BNC2: variants seen among roughly 807,000 people sequenced by gnomAD.
The protein encoded by BNC2 is basonuclin zinc finger protein 2.
In BNC2, 20 loss-of-function variants were observed where a neutral mutation model predicts 76.3. The observed-to-expected ratio is 0.26, with a 90% confidence interval of 0.18 to 0.38. The LOEUF is 0.38. Ranked by LOEUF, BNC2 falls within the 10% of genes least tolerant of loss-of-function variation. The probability of loss-of-function intolerance (pLI) is 1.00; values close to 1 mark genes in which losing one functional copy is unlikely to be tolerated. For synonymous variants in BNC2, 582 were observed against 514.8 expected (o/e 1.13, Z -1.77); for missense variants, 1,382 against 1,399.8 (o/e 0.99, Z 0.20).
chr9:16,702,127 A>T (rs976104264), intron 3 of BNC2, among the ~76,000 whole-genome samples: 4 of 151,916 alleles, frequency 2.6e-5, no homozygotes, highest in African/African-American at 9.7e-5. Context: ...AAATGAAGAT[A>T]AAGTATTGCC....
chr9:16,418,697 C>CGTGTGTGTGTGTGTGT lies in BNC2; in HGVS notation c.*291_*292insACACACACACACACAC, dbSNP rs1820640961. The CGTGTGTGTGTGTGTGT allele has an allele frequency of 3.1e-6, 1 of 323,028 alleles. No individual in the cohort carries two copies. Among genetic ancestry groups the CGTGTGTGTGTGTGTGT allele is most frequent in the Non-Finnish European group, 5.7e-6 (1 of 175,212 alleles). 20.0% of individuals were successfully genotyped at this position (323,028 alleles called of 1,614,324 possible). A position where few individuals can be genotyped will look rare whatever the true frequency, so the allele number is the denominator to read the frequency against. ...GTGTGTGTGTGTGTGTGTGTATGTG[C>CGTGTGTGTGTGTGTGT]ATGTGTGTGTGTGTGTGTTTAAAGG... On this transcript the variant is annotated 3_prime_UTR_variant, in exon 7 of 7. Coordinates refer to ENST00000380672, the MANE Select transcript of BNC2 (RefSeq NM_017637.6).
intron 6 of BNC2, chr9:16,421,216 G>A: frequency 8.0e-7 from 1 of 1,252,506 alleles, no homozygotes; most frequent in Non-Finnish European, 1.0e-6. Context: ...TTAAGGGGCA[G>A]AGGGCAGCAG....
chr9:16,536,878 T>C (rs1026729134), intron 5 of BNC2, among the ~76,000 whole-genome samples: 1 of 152,154 alleles, frequency 6.6e-6, no homozygotes, highest in Non-Finnish European at 1.5e-5. Flanking sequence ...ACCTGTTTGT[T>C]TTACTCATGA....
At chr9:16,475,678 C>T (rs1821913467) in intron 5 of BNC2, among the ~76,000 whole-genome samples, 1 of 152,212 alleles carries the variant, frequency 6.6e-6, no homozygotes, top group African/African-American at 2.4e-5. Context: ...CTTTTATCCC[C>T]TTTCCTCCAT....
At chr9:16,481,138 C>T (rs1458745570) in intron 5 of BNC2, among the ~76,000 whole-genome samples, 8 of 152,122 alleles carry the variant, frequency 5.3e-5, no homozygotes, top group Non-Finnish European at 1.2e-4. Flanking sequence ...TGTGTCCATA[C>T]TCTGTATCTA....
chr9:16,734,063 C>A (rs1824590558), intron 2 of BNC2, among the ~76,000 whole-genome samples: 1 of 152,090 alleles, frequency 6.6e-6, no homozygotes, highest in African/African-American at 2.4e-5. Context: ...CTAGTTGGAT[C>A]CCTGTATTTA....
chr9:16,486,558 A>T (rs1822167939), intron 5 of BNC2, among the ~76,000 whole-genome samples: 1 of 152,226 alleles, frequency 6.6e-6, no homozygotes, highest in Admixed American at 6.5e-5. Flanking sequence ...TGCTTACACT[A>T]ACCCTAATTT....
At chr9:16,464,094 C>CAAAAAAAAAAAAAAAA (rs1324549679) in intron 5 of BNC2, among the ~76,000 whole-genome samples, 1 of 34,758 alleles carries the variant, frequency 2.9e-5, no homozygotes. Flanking sequence ...ACCCTGTCTC[C>CAAAAAAAAAAAAAAAA]AAAAAAAAAA....
chr9:16,451,355 C>G (rs1340409155), intron 5 of BNC2, among the ~76,000 whole-genome samples: 1 of 152,176 alleles, frequency 6.6e-6, no homozygotes, highest in Non-Finnish European at 1.5e-5. Context: ...TTTCCCTACT[C>G]ACTTTAATCC....
intron 1 of BNC2, among the ~76,000 whole-genome samples, chr9:16,825,666 T>A (rs1586914537): frequency 6.6e-6 from 1 of 152,126 alleles, no homozygotes; most frequent in African/African-American, 2.4e-5. Flanking sequence ...CTTTTTCTCC[T>A]ATGGAGTGAG....
chr9:16,497,402 A>G (rs538898526), intron 5 of BNC2, among the ~76,000 whole-genome samples: 6 of 152,240 alleles, frequency 3.9e-5, no homozygotes, highest in Non-Finnish European at 7.3e-5. Context: ...TTTATCAGCA[A>G]AAGCAGAGAC....
intron 3 of BNC2, among the ~76,000 whole-genome samples, chr9:16,711,284 G>A (rs896663421): frequency 4.6e-5 from 7 of 152,208 alleles, no homozygotes; most frequent in Admixed American, 1.3e-4. Flanking sequence ...AAGGGGGGGC[G>A]GTTGTTACAA....
rs756814914 is a variant in BNC2 at position 16,665,466 on chromosome 9, GAA to G, written c.330+62329_330+62330del. On this transcript the variant is annotated intron_variant, in intron 3 of 6. Transcript: ENST00000380672. ...AGAAAGAAAGAAAGAAAGAAAGAAA[GAA>G]AGAAAGAAAGAAAGAAAGAAAGAGA... Among the ~76,000 whole-genome samples, 1,093 of 142,798 alleles carry G rather than the reference GAA, an allele frequency of 7.7e-3. 18 individuals are homozygous for G. Among genetic ancestry groups the G allele is most frequent in the African/African-American group, 0.026 (985 of 38,406 alleles). 93.7% of individuals were successfully genotyped at this position (142,798 alleles called of 152,430 possible).
chr9:16,773,086 C>T (rs1825871356), intron 1 of BNC2, among the ~76,000 whole-genome samples: 2 of 152,156 alleles, frequency 1.3e-5, no homozygotes, highest in Admixed American at 1.3e-4. Context: ...CACTATTAGA[C>T]ATGCCGCATT....
chr9:16,574,840 T>C (rs10962494), intron 4 of BNC2, among the ~76,000 whole-genome samples: 32,873 of 152,146 alleles, frequency 0.22, 5,786 homozygotes, highest in African/African-American at 0.47. Context: ...TTTAGATGCA[T>C]TGCTATTATT....
intron 3 of BNC2, among the ~76,000 whole-genome samples, chr9:16,608,988 T>C (rs1306439338): frequency 6.6e-6 from 1 of 152,178 alleles, no homozygotes; most frequent in Admixed American, 6.5e-5. Context: ...TTCAGTCTCC[T>C]GTACAGGAAG....
At chr9:16,469,444 T>G (rs760321318) in intron 5 of BNC2, among the ~76,000 whole-genome samples, 4 of 152,248 alleles carry the variant, frequency 2.6e-5, no homozygotes, top group Non-Finnish European at 4.4e-5. Context: ...GCTGTCACTA[T>G]GTAAGCAGTG....
chr9:16,618,924 AC>A (rs1342034088), intron 3 of BNC2, among the ~76,000 whole-genome samples: 1 of 152,192 alleles, frequency 6.6e-6, no homozygotes, highest in African/African-American at 2.4e-5. Context: ...ATGATTTGTC[AC>A]CAAAAATATT....
At chr9:16,822,260 A>G (rs760035526) in intron 1 of BNC2, among the ~76,000 whole-genome samples, 2 of 152,096 alleles carry the variant, frequency 1.3e-5, no homozygotes, top group Non-Finnish European at 2.9e-5. Flanking sequence ...CTCCTCTACT[A>G]TATATTAGGC....
Sources: gnomAD v4.1 joint callset for allele counts (sites outside exome capture counted in the v4.1 genomes callset) on GRCh38, gnomAD v4.1.1 for gene constraint, MANE v1.5 for transcripts, NCBI Gene and HGNC (gene_info 2026-07-23, HGNC 2026-07-21) for gene names.